BCCIP: variants seen among roughly 807,000 people sequenced by gnomAD.
The protein encoded by BCCIP is BRCA2 and CDKN1A-interacting protein.
Under a neutral mutation model 32.8 loss-of-function variants are expected in BCCIP, and 23 were observed. That is an observed-to-expected ratio of 0.70 (90% CI 0.51 to 0.99). BCCIP has a LOEUF of 0.99. Ranked by LOEUF, BCCIP falls within the 50% of genes least tolerant of loss-of-function variation. BCCIP has a pLI of 0.00. For synonymous variants in BCCIP, 144 were observed against 137.6 expected, an observed-to-expected ratio of 1.05 and a Z score of -0.33; for missense variants, 378 against 379.8, an observed-to-expected ratio of 1.00 and a Z score of 0.04.
intron 7 of BCCIP, among the ~76,000 whole-genome samples, chr10:125,852,045 CCT>C (rs761755963): frequency 6.6e-6 from 1 of 152,208 alleles, no homozygotes; most frequent in Non-Finnish European, 1.5e-5. Flanking sequence ...GCCCAGTTCC[CCT>C]GTGCTGCAGT....
chr10:125,840,728 T>C (rs1854853717), downstream of BCCIP: 2 of 1,161,322 alleles, frequency 1.7e-6, no homozygotes, highest in Non-Finnish European at 2.4e-6. Flanking sequence ...TCAAGTGCCA[T>C]TGCATTCAAG....
chr10:125,844,699 G>A (rs904882463), downstream of BCCIP, among the ~76,000 whole-genome samples: 1 of 152,210 alleles, frequency 6.6e-6, no homozygotes, highest in African/African-American at 2.4e-5. Context: ...GGGCAGTGCT[G>A]CTTAAGTATA....
In BCCIP at chr10:125,824,607, A is replaced by G. The variant is rs992151810; in HGVS notation, c.165+885A>G. On this transcript the variant is annotated intron_variant, in intron 1 of 6. Coordinates refer to ENST00000278100, the MANE Select transcript of BCCIP (RefSeq NM_078468.3). ...TGTTATCCAGACATTTCTCAGCACTAATTCTGAGACCATCGTAGTCCACAC... is the reference window on the plus strand; with the variant it reads ...TGTTATCCAGACATTTCTCAGCACTGATTCTGAGACCATCGTAGTCCACAC... Among the ~76,000 whole-genome samples the G allele has an allele frequency of 2.0e-5, 3 of 152,168 alleles. No individual in the cohort carries two copies. In the East Asian group the frequency reaches 5.8e-4, roughly 29 times the overall value.
chr10:125,835,525 G>A (rs1301682581), intron 6 of BCCIP, among the ~76,000 whole-genome samples: 1 of 150,918 alleles, frequency 6.6e-6, no homozygotes, highest in African/African-American at 2.4e-5. Context: ...CTTGCGGTGA[G>A]CCGAGATCAC....
At position 125,823,578 on chromosome 10, in the gene BCCIP, G is replaced by C; in HGVS notation, c.21G>C (p.Arg7=). The change falls in exon 1 of 7, where the codon CGG becomes CGC. Residue 7 remains arginine (R), a synonymous_variant. Transcript: ENST00000278100. MASRSK[R]RAVESGVPQP... is the part of the protein sequence containing the mutation. ...GCAACATGGCGTCCAGGTCTAAGCG[G>C]CGTGCCGTGGAAAGTGGGGTTCCGC... 6.2e-7 allele frequency: 1 copy of C among 1,613,982 alleles called. No homozygotes were observed. Among genetic ancestry groups the C allele is most frequent in the Non-Finnish European group, 8.5e-7 (1 of 1,179,934 alleles).
chr10:125,835,938 C>A (rs755452425), intron 6 of BCCIP, among the ~76,000 whole-genome samples, 166 bp from the exon 7 acceptor site: 1 of 152,222 alleles, frequency 6.6e-6, no homozygotes, highest in Non-Finnish European at 1.5e-5. Flanking sequence ...TTTATAACTT[C>A]TGCCTGAATG....
chr10:125,832,761 A>G (rs571665522), intron 5 of BCCIP, among the ~76,000 whole-genome samples: 11 of 151,178 alleles, frequency 7.3e-5, no homozygotes, highest in Admixed American at 5.9e-4. Context: ...GCCTGTGAAT[A>G]GCCACTGCAC....
chr10:125,841,592 T>C, exon 7 of BCCIP: 1 of 1,446,074 alleles, frequency 6.9e-7, no homozygotes, highest in South Asian at 1.5e-5. Flanking sequence ...TCTAACCTAT[T>C]AAAATACCTC....
rs140510480 is a variant in BCCIP, at chr10:125,836,192, C to T, written c.863C>T (p.Thr288Met). The T allele has an allele frequency of 2.8e-4, 451 of 1,614,200 alleles. 1 individual carries two copies. In the East Asian group the frequency reaches 5.0e-3, roughly 18 times the overall value. Residue 288 changes from threonine (T) to methionine (M), a missense_variant, in exon 7 of 7, where the codon ACG becomes ATG. Physicochemically the swap from Thr to Met is moderately conservative, Grantham distance 81. Coordinates refer to ENST00000278100, the MANE Select transcript of BCCIP (RefSeq NM_078468.3). ...TGGTCTTTTGATGACGTACCAATGACGCCCTTGCGAACTGTGATGTTAATT... is the reference window on the plus strand; with the variant it reads ...TGGTCTTTTGATGACGTACCAATGATGCCCTTGCGAACTGTGATGTTAATT... ...GKWSFDDVPM[T>M]PLRTVMLIPG...
intron 5 of BCCIP, 147 bp from the exon 6 acceptor site, chr10:125,833,625 C>T: frequency 3.0e-6 from 2 of 670,306 alleles, no homozygotes; most frequent in Non-Finnish European, 2.5e-6. Flanking sequence ...AAATAAAAAT[C>T]ATTCCTGTAG....
chr10:125,844,319 G>C (rs1411434392), downstream of BCCIP, among the ~76,000 whole-genome samples: 1 of 152,238 alleles, frequency 6.6e-6, no homozygotes, highest in African/African-American at 2.4e-5. Context: ...CAGCAAAGCT[G>C]CTGCATTATA....
downstream of BCCIP, chr10:125,838,205 C>G: frequency 6.4e-7 from 1 of 1,571,770 alleles, no homozygotes; most frequent in Non-Finnish European, 8.6e-7. Context: ...ATTAAACTTA[C>G]AGTTCAGGAG....
Position 125,836,112 on chromosome 10 carries a change from TCTCAAGTTCAACTACTCAG to T in BCCIP, c.784_802del (p.Leu262CysfsTer20). On this transcript the variant is annotated frameshift_variant, in exon 7 of 7. Transcript: ENST00000278100. LOFTEE classifies it high-confidence loss of function. ...TTACTTATTTGGTTTAGAAGGCAAT[TCTCAAGTTCAACTACTCAG>T]TGCAGGAGGAGAGCGACACTTGTCT... The T allele has an allele frequency of 6.2e-7, 1 of 1,610,628 alleles. No individual in the cohort carries two copies. Among genetic ancestry groups the T allele is most frequent in the Non-Finnish European group, 8.5e-7 (1 of 1,177,300 alleles).
downstream of BCCIP, among the ~76,000 whole-genome samples, chr10:125,846,842 G>A (rs559321170): frequency 3.3e-5 from 5 of 152,242 alleles, no homozygotes; most frequent in African/African-American, 9.6e-5. Flanking sequence ...GAGTTTCCAG[G>A]AGCTGACATA....
At chr10:125,826,346 T>G in intron 1 of BCCIP, 1 of 508,452 alleles carries the variant, frequency 2.0e-6, no homozygotes, top group East Asian at 4.9e-5. Flanking sequence ...TGCCCACCCT[T>G]GTAATCAGGA....
At chr10:125,848,691 A>G (rs1944054117) in intron 7 of BCCIP, among the ~76,000 whole-genome samples, 1 of 152,168 alleles carries the variant, frequency 6.6e-6, no homozygotes, top group Non-Finnish European at 1.5e-5. Flanking sequence ...TCTGCTTCTC[A>G]CACCCATTAA....
At chr10:125,829,082 T>C (rs1854468527) in intron 3 of BCCIP, among the ~76,000 whole-genome samples, 1 of 152,162 alleles carries the variant, frequency 6.6e-6, no homozygotes, top group Non-Finnish European at 1.5e-5. Flanking sequence ...GAGGGCACAT[T>C]GATCCCACCA....
chr10:125,845,966 C>G (rs1944012233), downstream of BCCIP, among the ~76,000 whole-genome samples: 1 of 152,238 alleles, frequency 6.6e-6, no homozygotes, highest in African/African-American at 2.4e-5. Context: ...CCTCTCGACT[C>G]TCCCTGCATG....
At chr10:125,831,729 G>A (rs774670252) in intron 5 of BCCIP, 122 bp downstream of exon 5, 2 of 930,972 alleles carry the variant, frequency 2.1e-6, no homozygotes, top group Admixed American at 2.9e-5. Context: ...AGTGGGTTTA[G>A]TGTGAGGGGA....
Sources: gnomAD v4.1 joint callset for allele counts (sites outside exome capture counted in the v4.1 genomes callset) on GRCh38, gnomAD v4.1.1 for gene constraint, MANE v1.5 for transcripts, NCBI Gene and HGNC (gene_info 2026-07-23, HGNC 2026-07-21) for gene names.